APOOL: variants seen among roughly 807,000 people sequenced by gnomAD.
The protein encoded by APOOL is apolipoprotein O like.
In APOOL, 12 loss-of-function variants were observed where a neutral mutation model predicts 23.1. That is an observed-to-expected ratio of 0.52 (90% CI 0.33 to 0.84). APOOL has a LOEUF of 0.84. Among genes scored for constraint, APOOL ranks in the 40% least tolerant of loss-of-function variants. The probability of loss-of-function intolerance (pLI) is 0.02; values close to 1 mark genes in which losing one functional copy is unlikely to be tolerated. For synonymous variants in APOOL, 77 were observed against 69.9 expected, an observed-to-expected ratio of 1.10 and a Z score of -0.51; for missense variants, 212 against 199.6, an observed-to-expected ratio of 1.06 and a Z score of -0.37.
intron 1 of APOOL, among the ~76,000 whole-genome samples, chrX:85,041,729 T>C (rs1490732417): frequency 9.0e-6 from 1 of 110,516 alleles, no homozygotes; most frequent in Non-Finnish European, 1.9e-5. Context: ...GAATAGAGGG[T>C]CTATGGGGAT....
intron 1 of APOOL, among the ~76,000 whole-genome samples, chrX:85,044,855 A>C (rs927029000): frequency 2.7e-5 from 3 of 111,869 alleles, no homozygotes. Flanking sequence ...ATGAAGTAAC[A>C]TGAGTATACT....
At chrX:85,022,785 A>G (rs1032591802) in intron 1 of APOOL, among the ~76,000 whole-genome samples, 1 of 111,888 alleles carries the variant, frequency 8.9e-6, no homozygotes, top group Non-Finnish European at 1.9e-5. Flanking sequence ...TCAATTGAGA[A>G]GGAAGAAGTT....
intron 1 of APOOL, among the ~76,000 whole-genome samples, chrX:85,045,025 T>C: frequency 8.9e-6 from 1 of 111,867 alleles, no homozygotes. Context: ...ATATAGAGAT[T>C]TTATTAACAA....
At chrX:85,019,933 C>T (rs1484698438) in intron 1 of APOOL, among the ~76,000 whole-genome samples, 1 of 111,609 alleles carries the variant, frequency 9.0e-6, no homozygotes, top group East Asian at 2.8e-4. Context: ...TGACTTAAGC[C>T]CCAGAGTGTA....
At chrX:85,080,579 T>A (rs1233142005) in intron 8 of APOOL, 1 of 111,764 alleles carries the variant, frequency 8.9e-6, no homozygotes, top group Non-Finnish European at 1.9e-5. Context: ...TGATTTGGGG[T>A]GGAGAGTTCT....
intron 8 of APOOL, among the ~76,000 whole-genome samples, chrX:85,076,772 G>C: frequency 9.2e-6 from 1 of 108,616 alleles, no homozygotes; most frequent in Non-Finnish European, 1.9e-5. Context: ...TATGAGTTTG[G>C]TTGTTCTCTA....
chrX:85,079,594 G>A (rs1037281627), intron 8 of APOOL, among the ~76,000 whole-genome samples: 2 of 111,703 alleles, frequency 1.8e-5, no homozygotes, highest in African/African-American at 6.5e-5. Context: ...TCAGGATGAT[G>A]CTGGCCTCAG....
chrX:85,064,340 A>ATT (rs745593279), intron 5 of APOOL, among the ~76,000 whole-genome samples: 1,387 of 73,306 alleles, frequency 0.019, 49 homozygotes, highest in African/African-American at 0.066. Flanking sequence ...CAGCTCCTGG[A>ATT]TTTTTTTTTT....
intron 8 of APOOL, among the ~76,000 whole-genome samples, chrX:85,075,891 G>A (rs1347486283): frequency 9.0e-6 from 1 of 111,615 alleles, no homozygotes; most frequent in Non-Finnish European, 1.9e-5. Context: ...TTGAGCTGCT[G>A]TAAAAAATAC....
At chrX:85,077,579 T>C (rs930536791) in intron 8 of APOOL, among the ~76,000 whole-genome samples, 2 of 111,659 alleles carry the variant, frequency 1.8e-5, no homozygotes, top group Non-Finnish European at 3.8e-5. Flanking sequence ...TGTGTACATG[T>C]GTGTTTATAG....
At chrX:85,012,000 G>C (rs762130041) in intron 1 of APOOL, among the ~76,000 whole-genome samples, 1 of 111,806 alleles carries the variant, frequency 8.9e-6, no homozygotes, top group Admixed American at 9.5e-5. Flanking sequence ...CCATTTGTTT[G>C]TGTCATCTAT....
At chrX:85,024,575 C>A (rs1217216546) in intron 1 of APOOL, among the ~76,000 whole-genome samples, 2 of 112,372 alleles carry the variant, frequency 1.8e-5, no homozygotes, top group Non-Finnish European at 3.8e-5. Flanking sequence ...ATCCAGTTTT[C>A]CCCTGGGAAG....
intron 1 of APOOL, among the ~76,000 whole-genome samples, chrX:85,032,371 G>A (rs900741412): frequency 7.2e-5 from 8 of 111,119 alleles, no homozygotes; most frequent in Non-Finnish European, 1.5e-4. Context: ...AAAATTAGCC[G>A]GGCGTGGTGG....
At chrX:85,021,796 T>C (rs1921673048) in intron 1 of APOOL, among the ~76,000 whole-genome samples, 1 of 111,622 alleles carries the variant, frequency 9.0e-6, no homozygotes, top group African/African-American at 3.3e-5. Flanking sequence ...AAAAACAATA[T>C]AAAAGATCAG....
chrX:85,021,286 C>G (rs931740876), intron 1 of APOOL, among the ~76,000 whole-genome samples: 1 of 111,335 alleles, frequency 9.0e-6, no homozygotes, highest in Non-Finnish European at 1.9e-5. Flanking sequence ...CAGACTTAGC[C>G]TCTAGACAAG....
rs745593395 is a variant in APOOL at position 85,056,534 on chromosome X, G to A, written c.394+609G>A. Reference sequence around the variant, plus strand: ...TGAGGTGGGTGGATCACCTGAGGTCGGGAGTTTGAGACCAGCCTGACCAAC... The same window carrying A: ...TGAGGTGGGTGGATCACCTGAGGTCAGGAGTTTGAGACCAGCCTGACCAAC... On this transcript the variant is annotated intron_variant, in intron 5 of 8. Coordinates refer to ENST00000373173, the MANE Select transcript of APOOL (RefSeq NM_198450.6). Among the ~76,000 whole-genome samples, 6 of 110,994 alleles carry A rather than the reference G, an allele frequency of 5.4e-5. No homozygotes were observed. The East Asian group carries it at 8.5e-4, about 16-fold the overall frequency.
At chrX:85,030,473 CA>C (rs1430552818) in intron 1 of APOOL, among the ~76,000 whole-genome samples, 2 of 110,827 alleles carry the variant, frequency 1.8e-5, no homozygotes, top group Non-Finnish European at 3.8e-5. Context: ...TCCATGTGAC[CA>C]AAAACCACTT....
At chrX:85,019,498 A>G (rs1327484895) in intron 1 of APOOL, among the ~76,000 whole-genome samples, 2 of 112,202 alleles carry the variant, frequency 1.8e-5, no homozygotes, top group African/African-American at 6.5e-5. Context: ...TAATTTATAA[A>G]TAATCCAGCT....
Position 85,090,687 on chromosome X carries a change from C to T in APOOL, c.*3009C>T, listed in dbSNP as rs1311093041. On this transcript the variant is annotated 3_prime_UTR_variant, in exon 9 of 9. Transcript: ENST00000373173. ...TTGCTCATTATTGCCTCTTTCTCTG[C>T]CTGTGCTAGTGTGTCCTCTTAGAAT... 8.9e-6 allele frequency: 1 copy of T among 111,876 alleles called. No homozygotes were observed. Among genetic ancestry groups the T allele is most frequent in the Non-Finnish European group, 1.9e-5 (1 of 53,231 alleles). 9.2% of individuals were successfully genotyped at this position (111,876 alleles called of 1,213,427 possible).
Sources: gnomAD v4.1 joint callset for allele counts (sites outside exome capture counted in the v4.1 genomes callset) on GRCh38, gnomAD v4.1.1 for gene constraint, MANE v1.5 for transcripts, NCBI Gene and HGNC (gene_info 2026-07-23, HGNC 2026-07-21) for gene names.